The following MUC4 variants were observed in gnomAD, a reference collection of about 807,000 sequenced individuals.
MUC4 encodes mucin 4, cell surface associated.
A neutral mutation model predicts 257.9 loss-of-function variants in MUC4; 202 were observed. The ratio of observed to expected loss-of-function variants is 0.78; its 90% CI spans 0.70 to 0.88. The LOEUF (loss-of-function observed/expected upper bound fraction) is 0.88, where lower values mean the gene tolerates loss of function less well. Ranked by LOEUF, MUC4 falls within the 40% of genes least tolerant of loss-of-function variation. MUC4 has a pLI of 0.00. For missense variants in MUC4, 5,976 were observed against 6,513.7 expected (o/e 0.92, Z 2.84); for synonymous variants, 2,351 against 2,757.1 (o/e 0.85, Z 4.62).
intron 1 of MUC4, among the ~76,000 whole-genome samples, chr3:195,800,259 C>T (rs1399473646): frequency 6.6e-6 from 1 of 151,358 alleles, no homozygotes; most frequent in Non-Finnish European, 1.5e-5. Flanking sequence ...GCCTGGGCGA[C>T]AGAGCGGGAC....
chr3:195,772,485 G>A (rs1369559384), intron 4 of MUC4, among the ~76,000 whole-genome samples: 5 of 135,612 alleles, frequency 3.7e-5, no homozygotes, highest in Non-Finnish European at 6.3e-5. Context: ...GCTCAGGGGT[G>A]TAGACACCCT....
Position 195,785,721 on chromosome 3 carries a change from A to G in MUC4, c.5859T>C (p.Leu1953=), listed in dbSNP as rs1322268569. The part of the protein sequence containing the change: ...SSASSGHTTP[L]PVTDASSVPT... ...GTACTGAGGAAGCGTCGGTGACAGG[A>G]AGAGGGGTGGTGTGACCTGAGGATG... Residue 1953 remains leucine, a synonymous_variant, in exon 2 of 25, where the codon CTT becomes CTC. Transcript: ENST00000463781. 9 of 1,386,502 alleles carry G rather than the reference A, an allele frequency of 6.5e-6. No homozygotes were observed. The highest frequency in any genetic ancestry group is 8.7e-6 in the Non-Finnish European group (9 of 1,030,534). 85.9% of individuals were successfully genotyped at this position (1,386,502 alleles called of 1,614,324 possible).
chr3:195,754,392 C>T lies in MUC4; in HGVS notation c.15169-20G>A, dbSNP rs1482771367. Reference sequence around the variant, plus strand: ...AGCCACCTGGAGGAGGGTTGCCGATCACGGGCGGCCAGGAGACCAAACTGG... The same window carrying T: ...AGCCACCTGGAGGAGGGTTGCCGATTACGGGCGGCCAGGAGACCAAACTGG... On this transcript the variant is annotated intron_variant, in intron 18 of 24. Transcript: ENST00000463781. The T allele has an allele frequency of 1.3e-6, 2 of 1,591,490 alleles. No individual in the cohort carries two copies. The highest frequency in any genetic ancestry group is 2.3e-5 in the East Asian group (1 of 44,106).
At chr3:195,756,418 G>A (rs570465122) in intron 18 of MUC4, among the ~76,000 whole-genome samples, 1 of 152,350 alleles carries the variant, frequency 6.6e-6, no homozygotes, top group Admixed American at 6.5e-5. Context: ...TGAGAAAGAC[G>A]GAGGTGGAAG....
rs1329578778 is a variant in MUC4, at chr3:195,778,398, G to T, written c.12848C>A (p.Pro4283His). 1 of 1,613,234 alleles carries T rather than the reference G, an allele frequency of 6.2e-7. No individual in the cohort carries two copies. Residue 4283 changes from proline (P) to histidine (H), a missense_variant, in exon 3 of 25, where the codon CCC becomes CAC. Around this residue, in one of 44 missense-constraint regions of MUC4, gnomAD observed 233 missense variants for 171.2 expected, o/e 1.36. Coordinates refer to ENST00000463781, the MANE Select transcript of MUC4 (RefSeq NM_018406.7). The part of the protein sequence containing the change: ...DGGRRTATSP[P>H]PTTSQTIIST... ...AATGATGGTCTGGGAGGTTGTGGGG[G>T]GTGGTGATGTGGCTGTGCGTCTCCC...
chr3:195,769,938 T>G (rs1382596982), intron 6 of MUC4, among the ~76,000 whole-genome samples: 1 of 152,196 alleles, frequency 6.6e-6, no homozygotes, highest in Non-Finnish European at 1.5e-5. Context: ...CCAGACATTT[T>G]TGACTTACAA....
rs1472676170 is a variant in MUC4 at position 195,778,308 on chromosome 3, T to C, written c.12938A>G (p.Glu4313Gly). 5 of 1,609,400 alleles carry C rather than the reference T, an allele frequency of 3.1e-6. No homozygotes were observed. The African/African-American group carries it at 5.4e-5, about 17-fold the overall frequency. ...CCTCACCTGTATGGCCTCACCTCTC[T>C]CAGGCAGGATGGGGATGGGGGCAGC... Reference protein sequence around the residue: ...STAAPIPILPERGVSLFPYGA... With the variant: ...STAAPIPILPGRGVSLFPYGA... Residue 4313 changes from glutamate (E) to glycine (G), a missense_variant, in exon 3 of 25, where the codon GAG becomes GGG. By Grantham distance (98) the Glu-to-Gly change is moderately conservative (BLOSUM62 -2). Transcript: ENST00000463781.
In MUC4 at chr3:195,792,789, T is replaced by C. The variant is rs137986792; in HGVS notation, c.83-1292A>G. Among the ~76,000 whole-genome samples, 151 of 152,326 alleles carry C rather than the reference T, an allele frequency of 9.9e-4. 2 individuals are homozygous for C. In the East Asian group the frequency reaches 0.028, roughly 28 times the overall value. ...AATGTGGTACATATGCAGCACGGAA[T>C]ACTATGCAGCCATGAAAAAGGAATG... is the stretch of plus-strand genomic sequence containing the variant. On this transcript the variant is annotated intron_variant, in intron 1 of 24. Transcript: ENST00000463781.
Position 195,780,321 on chromosome 3 carries a change from T to A in MUC4, c.11259A>T (p.Ala3753=). ...GAAGAGGGGTGGCGTGACCTGTGGA[T>A]GCTGAGGAAGTGCTGGTGACAGGAA... The part of the protein sequence containing the change: ...TPLPVTSTSS[A]STGHATPLLV... Residue 3753 remains alanine (A), a synonymous_variant, in exon 2 of 25, where the codon GCA becomes GCT. Coordinates refer to ENST00000463781, the MANE Select transcript of MUC4 (RefSeq NM_018406.7). 1 of 1,526,090 alleles carries A rather than the reference T, an allele frequency of 6.6e-7. No homozygotes were observed. Among genetic ancestry groups the A allele is most frequent in the Non-Finnish European group, 8.8e-7 (1 of 1,131,192 alleles). 94.5% of individuals were successfully genotyped at this position (1,526,090 alleles called of 1,614,324 possible). A position where few individuals can be genotyped will look rare whatever the true frequency, so the allele number is the denominator to read the frequency against.
In MUC4 at chr3:195,753,112, T is replaced by G. The variant is rs892703393; in HGVS notation, c.15447A>C (p.Pro5149=). 6.2e-7 allele frequency: 1 copy of G among 1,612,604 alleles called. No homozygotes were observed. The highest frequency in any genetic ancestry group is 8.5e-7 in the Non-Finnish European group (1 of 1,179,480). The part of the protein sequence containing the change: ...LGCQPMCTCP[P]AFTDSRCFLA... ...GGAAGCAGCGGCTGTCAGTGAAGGC[T>G]GGGGGGCAGGTGCACATGGGCTGAC... The change falls in exon 20 of 25, where the codon CCA becomes CCC. Residue 5149 remains proline, a synonymous_variant. Coordinates refer to ENST00000463781, the MANE Select transcript of MUC4 (RefSeq NM_018406.7).
At chr3:195,778,759 G>C in intron 2 of MUC4, 31 bp downstream of exon 2, 3 of 1,578,530 alleles carry the variant, frequency 1.9e-6, no homozygotes, top group South Asian at 1.2e-5. Context: ...GGCCCACTGG[G>C]AGACATAAAG....
At chr3:195,763,365 G>A (rs1719665808) in intron 12 of MUC4, 68 bp downstream of exon 12, 7 of 1,346,788 alleles carry the variant, frequency 5.2e-6, no homozygotes, top group South Asian at 1.9e-5. Flanking sequence ...CCTTCTCCTC[G>A]GCCTCAGTAT....
intron 4 of MUC4, among the ~76,000 whole-genome samples, chr3:195,773,138 ATCGCTCAGGGGTGTAGACACCCTC>A (rs1723482176): frequency 7.1e-6 from 1 of 140,572 alleles, no homozygotes. Flanking sequence ...CCCCCTCTCC[ATCGCTCAGGGGTGTAGACACCCTC>A]TCTCCATCGC....
At chr3:195,761,948 C>T in intron 14 of MUC4, 139 bp downstream of exon 14, 1 of 1,080,006 alleles carries the variant, frequency 9.3e-7, no homozygotes, top group Non-Finnish European at 1.3e-6. Flanking sequence ...CGGCTCCCGG[C>T]CCGCTCTGTG....
chr3:195,788,509 G>A lies in MUC4; in HGVS notation c.3071C>T (p.Pro1024Leu). The A allele has an allele frequency of 6.7e-7, 1 of 1,492,594 alleles. No homozygotes were observed. The highest frequency in any genetic ancestry group is 9.0e-7 in the Non-Finnish European group (1 of 1,115,418). 92.5% of individuals were successfully genotyped at this position (1,492,594 alleles called of 1,614,324 possible). A position where few individuals can be genotyped will look rare whatever the true frequency, so the allele number is the denominator to read the frequency against. The change falls in exon 2 of 25, where the codon CCT becomes CTT. Residue 1024 changes from proline to leucine, a missense_variant. Around this residue, in one of 44 missense-constraint regions of MUC4, gnomAD observed 1,583 missense variants for 1,257.4 expected, o/e 1.26. Coordinates refer to ENST00000463781, the MANE Select transcript of MUC4 (RefSeq NM_018406.7). ...TGAGGAAGTGTCGGTGACAGGAAGA[G>A]GGGTGGTGTGACCTGTGGATACTGA... ...PSSVSTGHTT[P>L]LPVTDTSSES...
At chr3:195,766,835 C>G in intron 7 of MUC4, 84 bp from the exon 8 acceptor site, 1 of 1,264,014 alleles carries the variant, frequency 7.9e-7, no homozygotes, top group Middle Eastern at 2.5e-4. Context: ...ATCCCGCTAG[C>G]CGGTCAGCAG....
intron 18 of MUC4, among the ~76,000 whole-genome samples, chr3:195,756,398 T>TG: frequency 6.6e-6 from 1 of 152,294 alleles, no homozygotes; most frequent in East Asian, 1.9e-4. Flanking sequence ...CGCAGAGCTG[T>TG]GGGGCGCTGT....
intron 7 of MUC4, among the ~76,000 whole-genome samples, chr3:195,767,743 C>A: frequency 1.3e-5 from 1 of 75,172 alleles, no homozygotes; most frequent in African/African-American, 7.3e-5. Context: ...CCACCATCAC[C>A]ATCGCCACCA....
chr3:195,782,520 A>G lies in MUC4; in HGVS notation c.9060T>C (p.Gly3020=). 2 of 1,381,650 alleles carry G rather than the reference A, an allele frequency of 1.4e-6. No individual in the cohort carries two copies. Among genetic ancestry groups the G allele is most frequent in the Middle Eastern group, 2.7e-4 (1 of 3,746 alleles). 85.6% of individuals were successfully genotyped at this position (1,381,650 alleles called of 1,614,324 possible). Residue 3020 remains glycine (G), a synonymous_variant, in exon 2 of 25, where the codon GGT becomes GGC. Coordinates refer to ENST00000463781, the MANE Select transcript of MUC4 (RefSeq NM_018406.7). The stretch of plus-strand genomic sequence containing the variant: ...TGGTGACATGAAGAGGGGTGGCGTG[A>G]CCTGTGGATATTGAGGAAGTGTCGG... ...PVTDTSSIST[G]HATPLHVTSP...
Sources: gnomAD v4.1 joint callset for allele counts (sites outside exome capture counted in the v4.1 genomes callset) on GRCh38, gnomAD v4.1.1 for gene constraint, gnomAD v4.1.1 regional missense constraint, MANE v1.5 for transcripts, NCBI Gene and HGNC (gene_info 2026-07-23, HGNC 2026-07-21) for gene names.